SLCO3A1: variants seen among roughly 807,000 people sequenced by gnomAD.
SLCO3A1 encodes solute carrier organic anion transporter family member 3A1.
In SLCO3A1, 27 loss-of-function variants were observed where a neutral mutation model predicts 63.1. The ratio of observed to expected loss-of-function variants is 0.43; its 90% CI spans 0.32 to 0.59. SLCO3A1 has a LOEUF of 0.59. Ranked by LOEUF, SLCO3A1 falls within the 20% of genes least tolerant of loss-of-function variation. SLCO3A1 has a pLI of 0.09. For missense variants in SLCO3A1, 773 were observed against 945.8 expected (o/e 0.82, Z 2.40); for synonymous variants, 473 against 409.9 (o/e 1.15, Z -1.86).
At chr15:91,970,678 C>G (rs1021296510) in intron 2 of SLCO3A1, among the ~76,000 whole-genome samples, 8 of 152,130 alleles carry the variant, frequency 5.3e-5, no homozygotes, top group African/African-American at 1.9e-4. Flanking sequence ...CTGGGTTTCC[C>G]CTGACCAAAA....
chr15:91,961,650 T>G (rs1246850829), intron 2 of SLCO3A1, among the ~76,000 whole-genome samples: 2 of 152,244 alleles, frequency 1.3e-5, no homozygotes, highest in Admixed American at 1.3e-4. Context: ...GGCCCCTGCT[T>G]GTGGGTCTTC....
chr15:92,156,141 C>G (rs2048368873), intron 9 of SLCO3A1, among the ~76,000 whole-genome samples: 1 of 152,086 alleles, frequency 6.6e-6, no homozygotes, highest in Non-Finnish European at 1.5e-5. Context: ...CTTGCATATG[C>G]CAAAGTTTAT....
At chr15:92,145,692 A>G (rs1284135159) in intron 7 of SLCO3A1, among the ~76,000 whole-genome samples, 1 of 152,200 alleles carries the variant, frequency 6.6e-6, no homozygotes. Context: ...GAGAAGGAAC[A>G]GAGGGGCGGG....
At chr15:91,969,106 C>G (rs1015540465) in intron 2 of SLCO3A1, among the ~76,000 whole-genome samples, 2 of 152,148 alleles carry the variant, frequency 1.3e-5, no homozygotes, top group African/African-American at 4.8e-5. Context: ...AGAGGTAAAG[C>G]TCATCTTTTC....
intron 2 of SLCO3A1, among the ~76,000 whole-genome samples, chr15:92,041,335 C>G (rs1251314807): frequency 6.6e-6 from 1 of 152,110 alleles, no homozygotes; most frequent in Non-Finnish European, 1.5e-5. Context: ...GAGGGAGACA[C>G]AGAAGATTCA....
chr15:91,972,424 C>T (rs1900912839), intron 2 of SLCO3A1, among the ~76,000 whole-genome samples: 1 of 152,120 alleles, frequency 6.6e-6, no homozygotes, highest in African/African-American at 2.4e-5. Flanking sequence ...AGGTGCCTCG[C>T]CCTCTCCATG....
chr15:91,877,648 G>A (rs529970727), intron 1 of SLCO3A1, among the ~76,000 whole-genome samples: 87 of 152,302 alleles, frequency 5.7e-4, no homozygotes, highest in Middle Eastern at 6.8e-3. Context: ...AGGCCTTTGG[G>A]AAGGGGAAGG....
At chr15:92,001,603 C>T (rs560825200) in intron 2 of SLCO3A1, among the ~76,000 whole-genome samples, 1 of 152,164 alleles carries the variant, frequency 6.6e-6, no homozygotes, top group African/African-American at 2.4e-5. Flanking sequence ...CATGCCCCCC[C>T]ACCCAGGGAG....
intron 2 of SLCO3A1, among the ~76,000 whole-genome samples, chr15:91,998,067 G>A (rs995333370): frequency 4.6e-5 from 7 of 152,066 alleles, no homozygotes; most frequent in Non-Finnish European, 1.0e-4. Context: ...CTACAGAATG[G>A]GAGAAAATAT....
chr15:91,926,611 C>CGCA (rs1567189506), intron 2 of SLCO3A1, among the ~76,000 whole-genome samples: 2 of 60,484 alleles, frequency 3.3e-5, no homozygotes, highest in African/African-American at 1.0e-4. Flanking sequence ...GCGCGCACGC[C>CGCA]CATGCTTATT....
At chr15:91,889,439 A>G (rs912430498) in intron 1 of SLCO3A1, among the ~76,000 whole-genome samples, 1 of 152,238 alleles carries the variant, frequency 6.6e-6, no homozygotes, top group Non-Finnish European at 1.5e-5. Context: ...GGTAGTGGGC[A>G]GTAAGATGTG....
At position 91,906,421 on chromosome 15, in the gene SLCO3A1, C is replaced by T. The variant is rs369232655; in HGVS notation, c.181-9572C>T. On this transcript the variant is annotated intron_variant, in intron 1 of 9. Coordinates refer to ENST00000318445, the MANE Select transcript of SLCO3A1 (RefSeq NM_013272.4). ...GTTGAGGGCAGAGACCAGGTCTTATCGAACTTTGCCTATCCAGCCCCTGGC... is the reference window on the plus strand; with the variant it reads ...GTTGAGGGCAGAGACCAGGTCTTATTGAACTTTGCCTATCCAGCCCCTGGC... 2.8e-4 allele frequency among the ~76,000 whole-genome samples: 43 copies of T among 152,298 alleles called. 1 individual carries two copies. In the South Asian group the frequency reaches 8.7e-3, roughly 31 times the overall value.
intron 9 of SLCO3A1, among the ~76,000 whole-genome samples, chr15:92,153,853 G>C (rs561693581): frequency 6.6e-6 from 1 of 152,266 alleles, no homozygotes; most frequent in East Asian, 1.9e-4. Context: ...GGCCCAGACT[G>C]GGGGGAAAGG....
chr15:92,032,263 T>A (rs935102212), intron 2 of SLCO3A1, among the ~76,000 whole-genome samples: 1 of 152,022 alleles, frequency 6.6e-6, no homozygotes, highest in African/African-American at 2.4e-5. Context: ...AGGGGGAGAA[T>A]GAGGGAGCAG....
intron 2 of SLCO3A1, among the ~76,000 whole-genome samples, chr15:91,975,990 A>T (rs558364129): frequency 6.6e-6 from 1 of 152,256 alleles, no homozygotes; most frequent in African/African-American, 2.4e-5. Context: ...TCACTTGATT[A>T]TTGGGTTGTT....
intron 2 of SLCO3A1, among the ~76,000 whole-genome samples, chr15:91,962,493 A>C (rs963902647): frequency 1.3e-5 from 2 of 151,522 alleles, no homozygotes. Context: ...AAAAAAAAAA[A>C]AAAAAAAAGA....
chr15:91,901,840 C>A (rs996689195), intron 1 of SLCO3A1, among the ~76,000 whole-genome samples: 7 of 152,050 alleles, frequency 4.6e-5, no homozygotes, highest in African/African-American at 1.7e-4. Flanking sequence ...GTTCTTTGAG[C>A]TTGTTGGACC....
rs1359891901 is a variant in SLCO3A1, at chr15:91,854,498, C to T, written c.180+410C>T. The T allele has an allele frequency of 2.7e-6, 1 of 364,434 alleles. No individual in the cohort carries two copies. Among genetic ancestry groups the T allele is most frequent in the East Asian group, 1.6e-4 (1 of 6,372 alleles). The allele number at this position is 364,434 out of a possible 1,614,324, so 22.6% of individuals were successfully genotyped here. A position where few individuals can be genotyped will look rare whatever the true frequency, so the allele number is the denominator to read the frequency against. On this transcript the variant is annotated intron_variant, in intron 1 of 9. Transcript: ENST00000318445. This position sits in a 1 kb window ranked among gnomAD's most constrained non-coding sequence, Gnocchi z 6.4. ...CATGGGAAGAAAAACCAGTTAGCAT[C>T]CTGCGTCCTCTACTCTCCATTGCAT...
At position 92,108,551 on chromosome 15, in the gene SLCO3A1, G is replaced by A. The variant is rs143429526; in HGVS notation, c.1009+4009G>A. On this transcript the variant is annotated intron_variant, in intron 4 of 9. Coordinates refer to ENST00000318445, the MANE Select transcript of SLCO3A1 (RefSeq NM_013272.4). ...AGTTGAGGGACTGTAATAGACATAC[G>A]TACAGTATCATCATCAGATAGTGTA... Among the ~76,000 whole-genome samples the A allele has an allele frequency of 1.4e-4, 21 of 152,320 alleles. No homozygotes were observed. The East Asian group carries it at 3.1e-3, about 22-fold the overall frequency.
Sources: allele counts gnomAD v4.1 joint callset (sites outside exome capture counted in the v4.1 genomes callset), GRCh38; gene constraint gnomAD v4.1.1; non-coding constraint Gnocchi (gnomAD v3.1); transcripts MANE v1.5; gene names NCBI Gene and HGNC (gene_info 2026-07-23, HGNC 2026-07-21).